Variants in RAB27A observed in about 807,000 individuals in gnomAD.
The protein encoded by RAB27A is ras-related protein Rab-27A.
In RAB27A, 17 loss-of-function variants were observed where a neutral mutation model predicts 20.8. The ratio of observed to expected loss-of-function variants is 0.82; its 90% CI spans 0.56 to 1.23. RAB27A has a LOEUF of 1.23. RAB27A is among the 50% of genes most tolerant of loss of function. The pLI, the probability that RAB27A is intolerant of heterozygous loss-of-function variation, is 0.00. For missense variants in RAB27A, 277 were observed against 266.7 expected (o/e 1.04, Z -0.27); for synonymous variants, 85 against 92.8 (o/e 0.92, Z 0.48).
chr15:55,245,884 C>T (rs534854), intron 2 of RAB27A, among the ~76,000 whole-genome samples: 31 of 152,152 alleles, frequency 2.0e-4, no homozygotes, highest in African/African-American at 7.0e-4. Context: ...CCAAGGCAGG[C>T]AGATCACTTG....
chr15:55,239,682 C>G (rs752107407), intron 2 of RAB27A, among the ~76,000 whole-genome samples: 1 of 152,144 alleles, frequency 6.6e-6, no homozygotes, highest in Non-Finnish European at 1.5e-5. Context: ...AATGAAGATT[C>G]TGATTGGGGA....
chr15:55,235,392 G>A (rs1193766035), intron 2 of RAB27A, among the ~76,000 whole-genome samples: 1 of 152,014 alleles, frequency 6.6e-6, no homozygotes, highest in Non-Finnish European at 1.5e-5. Context: ...AGGTTGCAGT[G>A]AGCCAAGATT....
At chr15:55,231,205 A>G (rs1261171119) in intron 3 of RAB27A, among the ~76,000 whole-genome samples, 5 of 152,268 alleles carry the variant, frequency 3.3e-5, no homozygotes, top group African/African-American at 1.2e-4. Context: ...CATTTTCTCT[A>G]TCCAATCCAC....
chr15:55,210,140 T>G (rs1047116143), intron 6 of RAB27A, among the ~76,000 whole-genome samples: 2 of 128,726 alleles, frequency 1.6e-5, no homozygotes, highest in African/African-American at 7.2e-5. Flanking sequence ...AGTGTATATA[T>G]GTATGTGTAT....
chr15:55,316,560 C>T (rs558944240), intron 1 of RAB27A, among the ~76,000 whole-genome samples: 3 of 147,616 alleles, frequency 2.0e-5, no homozygotes, highest in Non-Finnish European at 4.5e-5. Context: ...CAAACCTGCA[C>T]GTTCAGCACA....
chr15:55,245,831 C>T (rs887039001), intron 2 of RAB27A, among the ~76,000 whole-genome samples: 52 of 152,042 alleles, frequency 3.4e-4, no homozygotes, highest in African/African-American at 1.2e-3. Flanking sequence ...ATTTCTGGGC[C>T]GGGCATGGTG....
chr15:55,210,224 T>TAC, intron 6 of RAB27A, among the ~76,000 whole-genome samples: 1 of 150,404 alleles, frequency 6.6e-6, no homozygotes, highest in South Asian at 2.1e-4. Context: ...TGTGTATGTA[T>TAC]ATATACACAC....
At chr15:55,273,656 A>T (rs919816451) in intron 1 of RAB27A, among the ~76,000 whole-genome samples, 1 of 152,166 alleles carries the variant, frequency 6.6e-6, no homozygotes, top group Non-Finnish European at 1.5e-5. Flanking sequence ...CTAAGAAGGT[A>T]GTTATGTGGT....
At chr15:55,313,365 C>T (rs2055029411) in intron 2 of RAB27A, among the ~76,000 whole-genome samples, 1 of 152,196 alleles carries the variant, frequency 6.6e-6, no homozygotes, top group African/African-American at 2.4e-5. Context: ...GATGATACTA[C>T]ACTCAAGCCT....
At chr15:55,221,614 G>A (rs1425276176) in intron 6 of RAB27A, among the ~76,000 whole-genome samples, 1 of 152,144 alleles carries the variant, frequency 6.6e-6, no homozygotes, top group Non-Finnish European at 1.5e-5. Context: ...GCTTTGTAAT[G>A]AGTCAGCTTG....
chr15:55,280,225 A>T (rs1488454589), intron 1 of RAB27A, among the ~76,000 whole-genome samples: 1 of 152,146 alleles, frequency 6.6e-6, no homozygotes, highest in Non-Finnish European at 1.5e-5. Flanking sequence ...TGTTGTTTGA[A>T]CAATGCATAG....
chr15:55,288,743 AC>A (rs1461192911), intron 1 of RAB27A: 1 of 152,102 alleles, frequency 6.6e-6, no homozygotes, highest in Non-Finnish European at 1.5e-5. Context: ...CATTATATTA[AC>A]CTTTCTTCAC....
chr15:55,305,321 G>C (rs140792661), intron 2 of RAB27A, among the ~76,000 whole-genome samples: 4 of 152,174 alleles, frequency 2.6e-5, no homozygotes, highest in African/African-American at 4.8e-5. Flanking sequence ...AGATTTCCTC[G>C]GGAGAGGTGA....
At chr15:55,268,492 C>T (rs1443707111) in intron 2 of RAB27A, among the ~76,000 whole-genome samples, 1 of 152,212 alleles carries the variant, frequency 6.6e-6, no homozygotes, top group Non-Finnish European at 1.5e-5. Context: ...AGCACGGGAA[C>T]CCTTCCAGGT....
chr15:55,317,302 T>G (rs1158088435), intron 1 of RAB27A: 1 of 158,050 alleles, frequency 6.3e-6, no homozygotes, highest in African/African-American at 2.4e-5. Context: ...CTCCATGAGG[T>G]ATTTGTGGGT....
At position 55,286,295 on chromosome 15, in the gene RAB27A, A is replaced by G. The variant is rs145935027; in HGVS notation, c.-143+3421T>C. 1.9e-4 allele frequency among the ~76,000 whole-genome samples: 29 copies of G among 152,310 alleles called. No individual in the cohort carries two copies. The East Asian group carries it at 5.2e-3, about 27-fold the overall frequency. On this transcript the variant is annotated intron_variant, in intron 1 of 6. Transcript: ENST00000336787. ...CTTAATATATGTCAGAAACCATTCTATGTGCTATGGACATCACAGTGAACA... is the reference window on the plus strand; with the variant it reads ...CTTAATATATGTCAGAAACCATTCTGTGTGCTATGGACATCACAGTGAACA...
chr15:55,307,396 G>A (rs575249094), intron 2 of RAB27A, among the ~76,000 whole-genome samples: 5 of 152,146 alleles, frequency 3.3e-5, no homozygotes, highest in South Asian at 4.2e-4. Context: ...CAGACCATGC[G>A]AGGTGGGTTT....
chr15:55,303,744 A>C (rs2054985232), intron 2 of RAB27A, among the ~76,000 whole-genome samples: 1 of 128,788 alleles, frequency 7.8e-6, no homozygotes, highest in Non-Finnish European at 1.6e-5. Flanking sequence ...CTGGGAAGTG[A>C]GGAGCCCCTC....
At chr15:55,230,331 T>C (rs932765312) in intron 4 of RAB27A, 70 bp downstream of exon 4, 2 of 1,415,216 alleles carry the variant, frequency 1.4e-6, no homozygotes, top group Non-Finnish European at 2.0e-6. Flanking sequence ...CCTGCTCAGG[T>C]CACTGTTTGA....
Sources: gnomAD v4.1 joint callset for allele counts (sites outside exome capture counted in the v4.1 genomes callset) on GRCh38, gnomAD v4.1.1 for gene constraint, MANE v1.5 for transcripts, NCBI Gene and HGNC (gene_info 2026-07-23, HGNC 2026-07-21) for gene names.